PLEKHG1: variants seen among roughly 807,000 people sequenced by gnomAD.
PLEKHG1 encodes the protein pleckstrin homology domain-containing family G member 1.
PLEKHG1 carries 44 observed loss-of-function variants against 100.8 expected under a neutral mutation model. That is an observed-to-expected ratio of 0.44 (90% CI 0.34 to 0.56). The LOEUF is 0.56. Ranked by LOEUF, PLEKHG1 falls within the 20% of genes least tolerant of loss-of-function variation. The pLI, the probability that PLEKHG1 is intolerant of heterozygous loss-of-function variation, is 0.01. For synonymous variants in PLEKHG1, 640 were observed against 662.5 expected, an observed-to-expected ratio of 0.97 and a Z score of 0.52; for missense variants, 1,545 against 1,720.9, an observed-to-expected ratio of 0.90 and a Z score of 1.81.
At chr6:150,612,288 A>C (rs1776883072) in intron 1 of PLEKHG1, among the ~76,000 whole-genome samples, 1 of 152,170 alleles carries the variant, frequency 6.6e-6, no homozygotes, top group Non-Finnish European at 1.5e-5. Flanking sequence ...CTAGAACACG[A>C]ACCTGACATT....
chr6:150,626,459 G>A (rs145517310), intron 1 of PLEKHG1, among the ~76,000 whole-genome samples: 17 of 152,310 alleles, frequency 1.1e-4, no homozygotes, highest in East Asian at 7.7e-4. Flanking sequence ...GTCTGCCTGC[G>A]AAGGGGCGTT....
rs536733272 is a variant in PLEKHG1 at position 150,806,873 on chromosome 6, TAAAC to T, written c.912+2135_912+2138del. ...AAAATGAAATGAAAAATTCTGGAAA[TAAAC>T]AATCTGTAAATTTTAAATTGTGCAC... On this transcript the variant is annotated intron_variant, in intron 7 of 15. Transcript: ENST00000358517. Among the ~76,000 whole-genome samples the T allele has an allele frequency of 3.7e-3, 527 of 141,020 alleles. 1 individual carries two copies. The highest frequency in any genetic ancestry group is 0.013 in the African/African-American group (494 of 38,734). 92.5% of individuals were successfully genotyped at this position (141,020 alleles called of 152,430 possible). A position where few individuals can be genotyped will look rare whatever the true frequency, so the allele number is the denominator to read the frequency against.
chr6:150,803,995 A>G (rs781772509), intron 6 of PLEKHG1, among the ~76,000 whole-genome samples: 3 of 145,128 alleles, frequency 2.1e-5, no homozygotes, highest in East Asian at 4.1e-4. Flanking sequence ...ATGAAACTCA[A>G]TGGGCTACAT....
chr6:150,640,313 T>A (rs1380152224), intron 2 of PLEKHG1, among the ~76,000 whole-genome samples: 3 of 152,258 alleles, frequency 2.0e-5, no homozygotes, highest in African/African-American at 7.2e-5. Flanking sequence ...TTTCAGAAGA[T>A]GATCTTGACT....
chr6:150,641,674 C>T (rs74767181), intron 2 of PLEKHG1, among the ~76,000 whole-genome samples: 2,259 of 152,130 alleles, frequency 0.015, 45 homozygotes, highest in African/African-American at 0.051. Flanking sequence ...GAATAAATCA[C>T]TGTTTGGTAG....
chr6:150,646,299 AC>A (rs1470725633), intron 2 of PLEKHG1, among the ~76,000 whole-genome samples: 2 of 145,964 alleles, frequency 1.4e-5, no homozygotes, highest in Admixed American at 6.9e-5. Context: ...TCTTCATAAA[AC>A]CCAAAAATTA....
intron 3 of PLEKHG1, among the ~76,000 whole-genome samples, chr6:150,699,352 A>C (rs1164727445): frequency 1.3e-5 from 2 of 152,250 alleles, no homozygotes; most frequent in East Asian, 3.8e-4. Context: ...TTCAACCTTA[A>C]GTGACTGCCA....
chr6:150,799,984 C>T (rs1786589904), intron 5 of PLEKHG1, among the ~76,000 whole-genome samples: 1 of 152,220 alleles, frequency 6.6e-6, no homozygotes, highest in Non-Finnish European at 1.5e-5. Flanking sequence ...CGTCTGTGCT[C>T]ATCACCTCGG....
rs191729385 is a variant in PLEKHG1, at chr6:150,679,706, G to A, written c.-99+28920G>A. ...TTTCAGGCTGTGGGAATTTGATGCA[G>A]GCAAAAAAACACATGCGCTTTCCCT... On this transcript the variant is annotated intron_variant, in intron 3 of 3. Transcript: ENST00000367326. 2.0e-3 allele frequency among the ~76,000 whole-genome samples: 299 copies of A among 152,176 alleles called. 2 individuals are homozygous for A. Among genetic ancestry groups the A allele is most frequent in the Middle Eastern group, 3.4e-3 (1 of 294 alleles).
At chr6:150,798,119 C>T (rs957127337) in intron 5 of PLEKHG1, among the ~76,000 whole-genome samples, 5 of 152,196 alleles carry the variant, frequency 3.3e-5, no homozygotes, top group East Asian at 3.9e-4. Flanking sequence ...AAACATCAGG[C>T]GATTGCAGGA....
intron 3 of PLEKHG1, among the ~76,000 whole-genome samples, chr6:150,701,849 T>C (rs770550559): frequency 4.3e-4 from 65 of 152,182 alleles, no homozygotes; most frequent in Non-Finnish European, 4.9e-4. Context: ...AGTAAATTAA[T>C]ATGAATGGGT....
At chr6:150,637,750 C>G (rs1014381685) in intron 1 of PLEKHG1, among the ~76,000 whole-genome samples, 3 of 152,108 alleles carry the variant, frequency 2.0e-5, no homozygotes, top group Non-Finnish European at 4.4e-5. Flanking sequence ...TAAAATTTCA[C>G]CACTATCTTT....
intron 1 of PLEKHG1, among the ~76,000 whole-genome samples, chr6:150,628,185 G>A (rs1777578904): frequency 6.6e-6 from 1 of 152,076 alleles, no homozygotes; most frequent in Non-Finnish European, 1.5e-5. Context: ...GAAGGCTGTT[G>A]CTGCAGTAAA....
chr6:150,843,136 A>G (rs966586761), exon 16 of PLEKHG1: 1 of 152,180 alleles, frequency 6.6e-6, no homozygotes. Flanking sequence ...ATCCAGTTCT[A>G]TGTAGTTCAT....
intron 2 of PLEKHG1, among the ~76,000 whole-genome samples, chr6:150,735,361 A>G (rs1009909706): frequency 1.3e-5 from 2 of 152,092 alleles, no homozygotes; most frequent in Non-Finnish European, 2.9e-5. Context: ...TTCATTTGTT[A>G]CTACCTGTTT....
At chr6:150,728,553 G>A (rs1476049875) in intron 1 of PLEKHG1, among the ~76,000 whole-genome samples, 1 of 151,948 alleles carries the variant, frequency 6.6e-6, no homozygotes, top group East Asian at 1.9e-4. Context: ...TCCAGCCTGG[G>A]TGACAGAGTG....
chr6:150,656,288 A>T (rs79425144), intron 3 of PLEKHG1, among the ~76,000 whole-genome samples: 1 of 152,214 alleles, frequency 6.6e-6, no homozygotes, highest in African/African-American at 2.4e-5. Flanking sequence ...TAAAAAAAAA[A>T]TACTTGTTTT....
intron 2 of PLEKHG1, among the ~76,000 whole-genome samples, chr6:150,766,456 AG>A (rs1181607141): frequency 6.6e-6 from 1 of 152,246 alleles, no homozygotes; most frequent in Non-Finnish European, 1.5e-5. Context: ...ATGCTGCCTT[AG>A]TTTTCAGGAG....
At chr6:150,786,887 A>C (rs914148961) in intron 4 of PLEKHG1, among the ~76,000 whole-genome samples, 10 of 151,920 alleles carry the variant, frequency 6.6e-5, no homozygotes, top group African/African-American at 1.9e-4. Context: ...AAAATTAGCC[A>C]GGCGTGGTGG....
Sources: allele counts gnomAD v4.1 joint callset (sites outside exome capture counted in the v4.1 genomes callset), GRCh38; gene constraint gnomAD v4.1.1; transcripts MANE v1.5; gene names NCBI Gene and HGNC (gene_info 2026-07-23, HGNC 2026-07-21).